Variants in ERICH1 observed in about 807,000 individuals in gnomAD.
ERICH1 encodes the protein glutamate-rich protein 1.
ERICH1 carries 56 observed loss-of-function variants against 39.6 expected under a neutral mutation model. The ratio of observed to expected loss-of-function variants is 1.41; its 90% CI spans 1.14 to 1.77. The LOEUF (loss-of-function observed/expected upper bound fraction) is 1.77, where lower values mean the gene tolerates loss of function less well. Ranked by LOEUF, ERICH1 falls within the 40% of genes most tolerant of loss-of-function variation. The pLI is 0.00. For missense variants in ERICH1, 826 were observed against 575.4 expected (o/e 1.44, Z -4.45); for synonymous variants, 313 against 223.6 (o/e 1.40, Z -3.57).
intron 3 of ERICH1, among the ~76,000 whole-genome samples, chr8:641,860 G>T (rs115289184): frequency 6.6e-6 from 1 of 152,184 alleles, no homozygotes; most frequent in Non-Finnish European, 1.5e-5. Context: ...AAAACCCCAC[G>T]GTGCCTCTGG....
intron 1 of ERICH1, among the ~76,000 whole-genome samples, chr8:723,255 T>C (rs189297590): frequency 1.4e-4 from 21 of 152,350 alleles, no homozygotes; most frequent in African/African-American, 5.1e-4. Flanking sequence ...CTGTACAGCC[T>C]GCAGAACCGT....
At chr8:627,145 A>T (rs1584948134) in intron 3 of ERICH1, 1 of 456,298 alleles carries the variant, frequency 2.2e-6, no homozygotes, top group Non-Finnish European at 4.4e-6. Flanking sequence ...GAAGACAGAC[A>T]GCAGCAGACC....
downstream of ERICH1, among the ~76,000 whole-genome samples, chr8:663,062 G>A (rs1021876436): frequency 6.6e-6 from 1 of 152,224 alleles, no homozygotes; most frequent in East Asian, 1.9e-4. Flanking sequence ...TGTGCTCCAG[G>A]GCCTACAACC....
intron 2 of ERICH1, among the ~76,000 whole-genome samples, chr8:705,825 G>C (rs1813144943): frequency 6.6e-6 from 1 of 152,216 alleles, no homozygotes; most frequent in Non-Finnish European, 1.5e-5. Context: ...TACCACAAAA[G>C]ACACTGGTGA....
At chr8:626,014 T>C (rs775640682) in intron 3 of ERICH1, 4 of 152,242 alleles carry the variant, frequency 2.6e-5, no homozygotes, top group Non-Finnish European at 4.4e-5. Flanking sequence ...CATTCTACAA[T>C]AGAAAATATA....
chr8:706,496 A>G (rs1813302076), intron 2 of ERICH1, among the ~76,000 whole-genome samples: 1 of 152,224 alleles, frequency 6.6e-6, no homozygotes, highest in African/African-American at 2.4e-5. Context: ...AGATAAGGCC[A>G]GGCGCAGTGG....
chr8:616,433 C>CGA, intron 3 of ERICH1: 1 of 435,544 alleles, frequency 2.3e-6, no homozygotes, highest in Middle Eastern at 5.4e-4. Flanking sequence ...CCGCACACCC[C>CGA]ATGCTCTCCT....
chr8:670,635 G>A (rs1474849879), intron 4 of ERICH1, among the ~76,000 whole-genome samples: 1 of 152,168 alleles, frequency 6.6e-6, no homozygotes, highest in Admixed American at 6.5e-5. Context: ...TGGCCAAGAG[G>A]CTCCTATGTT....
intron 3 of ERICH1, among the ~76,000 whole-genome samples, chr8:653,640 T>G (rs1800252195): frequency 6.6e-6 from 1 of 152,230 alleles, no homozygotes; most frequent in Admixed American, 6.5e-5. Flanking sequence ...TCCTTTAAAT[T>G]TAATTCAGTT....
intron 3 of ERICH1, among the ~76,000 whole-genome samples, chr8:689,834 G>A (rs1057161268): frequency 3.3e-5 from 5 of 152,178 alleles, no homozygotes; most frequent in African/African-American, 1.2e-4. Context: ...GCTGCCCAGA[G>A]GAATGTCCAC....
intron 2 of ERICH1, among the ~76,000 whole-genome samples, chr8:704,946 A>T (rs1484826947): frequency 1.3e-5 from 2 of 152,220 alleles, no homozygotes; most frequent in East Asian, 3.8e-4. Flanking sequence ...TATGCAACAC[A>T]TAACTGACAA....
intron 3 of ERICH1, among the ~76,000 whole-genome samples, chr8:680,934 G>T (rs999786568): frequency 2.6e-5 from 4 of 152,222 alleles, no homozygotes; most frequent in African/African-American, 9.6e-5. Context: ...GGCAGTCTCA[G>T]GACACAAGGA....
chr8:684,332 T>C (rs566502645), intron 3 of ERICH1, among the ~76,000 whole-genome samples: 34 of 152,282 alleles, frequency 2.2e-4, no homozygotes, highest in Non-Finnish European at 3.2e-4. Flanking sequence ...AGAAAAGCCA[T>C]TGAATTATTC....
At chr8:724,620 G>C (rs962145334) in intron 1 of ERICH1, among the ~76,000 whole-genome samples, 32 of 152,300 alleles carry the variant, frequency 2.1e-4, no homozygotes, top group Admixed American at 1.2e-3. Flanking sequence ...TCATTGGGAA[G>C]GCCGTTCAGC....
rs186162298 is a variant in ERICH1 at position 677,334 on chromosome 8, C to T, written c.305-3287G>A. ...TGGAACTGTGAGATGACATTGCTGCCGCTTTGTGGAAGAGAGTTCCCACCG... is the reference window on the plus strand; with the variant it reads ...TGGAACTGTGAGATGACATTGCTGCTGCTTTGTGGAAGAGAGTTCCCACCG... On this transcript the variant is annotated intron_variant, in intron 3 of 5. Transcript: ENST00000262109. 1.1e-4 allele frequency among the ~76,000 whole-genome samples: 16 copies of T among 152,336 alleles called. 1 individual carries two copies. The East Asian group carries it at 2.9e-3, about 28-fold the overall frequency.
intron 3 of ERICH1, among the ~76,000 whole-genome samples, chr8:685,640 G>GAAAT (rs1453621111): frequency 2.0e-5 from 3 of 152,200 alleles, no homozygotes; most frequent in African/African-American, 7.2e-5. Context: ...AAATGTCCAT[G>GAAAT]AAATCTTCAC....
intron 3 of ERICH1, among the ~76,000 whole-genome samples, chr8:625,236 C>A (rs1797535969): frequency 6.6e-6 from 1 of 152,186 alleles, no homozygotes; most frequent in African/African-American, 2.4e-5. Flanking sequence ...CAAATGCTTC[C>A]TATCCGATGA....
intron 3 of ERICH1, among the ~76,000 whole-genome samples, chr8:640,100 G>C (rs568597323): frequency 4.3e-4 from 65 of 152,306 alleles, no homozygotes; most frequent in African/African-American, 1.4e-3. Flanking sequence ...AAGAAACTCA[G>C]GGGGCTGAAA....
intron 3 of ERICH1, among the ~76,000 whole-genome samples, chr8:684,174 C>A (rs1211255378): frequency 1.3e-5 from 2 of 152,062 alleles, no homozygotes; most frequent in Non-Finnish European, 2.9e-5. Context: ...CAATAAAAGT[C>A]TTAAAATAGG....
Sources: gnomAD v4.1 joint callset for allele counts (sites outside exome capture counted in the v4.1 genomes callset) on GRCh38, gnomAD v4.1.1 for gene constraint, MANE v1.5 for transcripts, NCBI Gene and HGNC (gene_info 2026-07-23, HGNC 2026-07-21) for gene names.